The following CHCHD6 variants were observed in gnomAD, a reference collection of about 807,000 sequenced individuals.
The protein encoded by CHCHD6 is coiled-coil-helix-coiled-coil-helix domain containing 6.
Under a neutral mutation model 32.3 loss-of-function variants are expected in CHCHD6, and 28 were observed. The ratio of observed to expected loss-of-function variants is 0.87; its 90% CI spans 0.64 to 1.19. CHCHD6 has a LOEUF of 1.19. CHCHD6 is among the 50% of genes most tolerant of loss of function. CHCHD6 has a pLI of 0.00. For synonymous variants in CHCHD6, 122 were observed against 117.5 expected, an observed-to-expected ratio of 1.04 and a Z score of -0.25; for missense variants, 333 against 307.0, an observed-to-expected ratio of 1.08 and a Z score of -0.63.
chr3:126,748,149 A>G, intron 4 of CHCHD6, among the ~76,000 whole-genome samples: 1 of 152,040 alleles, frequency 6.6e-6, no homozygotes, highest in Admixed American at 6.5e-5. Context: ...TTCTCCTCAG[A>G]TATCCCTGTC....
intron 5 of CHCHD6, 42 bp from the exon 6 acceptor site, chr3:126,914,638 A>C (rs1178620847): frequency 9.1e-7 from 1 of 1,101,196 alleles, no homozygotes; most frequent in Admixed American, 1.7e-5. Context: ...AGCAGAGGGA[A>C]ATTTCAGTCT....
chr3:126,788,940 C>T (rs1276635948), intron 4 of CHCHD6, among the ~76,000 whole-genome samples: 2 of 152,156 alleles, frequency 1.3e-5, no homozygotes, highest in African/African-American at 4.8e-5. Context: ...ATCTTTCCTG[C>T]TTTCTCTTGT....
chr3:126,812,939 C>G (rs532144283), intron 4 of CHCHD6, among the ~76,000 whole-genome samples: 29 of 152,208 alleles, frequency 1.9e-4, no homozygotes, highest in African/African-American at 6.5e-4. Context: ...GTCTTGGAAC[C>G]TACCATGATT....
At chr3:126,793,049 A>G (rs942812454) in intron 4 of CHCHD6, among the ~76,000 whole-genome samples, 2 of 152,114 alleles carry the variant, frequency 1.3e-5, no homozygotes, top group African/African-American at 4.8e-5. Context: ...TGGTATTAAT[A>G]TGGCCCATCC....
At chr3:126,730,477 G>C (rs569663852) in intron 2 of CHCHD6, 84 bp from the exon 3 acceptor site, 3 of 1,090,020 alleles carry the variant, frequency 2.8e-6, no homozygotes, top group East Asian at 4.8e-5. Flanking sequence ...TCATTCATGG[G>C]GGTCATTCCT....
chr3:126,933,625 C>T (rs753374035), intron 6 of CHCHD6, among the ~76,000 whole-genome samples: 6 of 152,068 alleles, frequency 3.9e-5, no homozygotes, highest in Non-Finnish European at 8.8e-5. Context: ...TCTCATTATT[C>T]GCTCATTACC....
chr3:126,800,707 A>C (rs1469016374), intron 4 of CHCHD6, among the ~76,000 whole-genome samples: 1 of 152,226 alleles, frequency 6.6e-6, no homozygotes, highest in Non-Finnish European at 1.5e-5. Flanking sequence ...CACAGCAGGC[A>C]TCACAGAAAA....
chr3:126,954,538 T>C (rs2078757944), intron 6 of CHCHD6, among the ~76,000 whole-genome samples: 1 of 152,186 alleles, frequency 6.6e-6, no homozygotes, highest in South Asian at 2.1e-4. Context: ...GGTACCTCTT[T>C]TCACATAGAT....
chr3:126,951,930 A>G (rs1209437085), intron 6 of CHCHD6, among the ~76,000 whole-genome samples: 1 of 152,242 alleles, frequency 6.6e-6, no homozygotes, highest in African/African-American at 2.4e-5. Context: ...TGAGCAAGTT[A>G]CTGTATCACT....
chr3:126,744,389 T>G (rs73201764), intron 4 of CHCHD6, among the ~76,000 whole-genome samples: 1 of 152,348 alleles, frequency 6.6e-6, no homozygotes, highest in Non-Finnish European at 1.5e-5. Context: ...CGAAAAGGGT[T>G]ATTTGGCTGA....
At chr3:126,757,274 G>T (rs1936988979) in intron 4 of CHCHD6, among the ~76,000 whole-genome samples, 1 of 152,142 alleles carries the variant, frequency 6.6e-6, no homozygotes, top group Admixed American at 6.5e-5. Flanking sequence ...AAAATTCAAA[G>T]TCTGAAACAC....
chr3:126,883,789 C>T (rs1414662421), intron 5 of CHCHD6, among the ~76,000 whole-genome samples: 1 of 152,200 alleles, frequency 6.6e-6, no homozygotes, highest in African/African-American at 2.4e-5. Context: ...TAGTATCTGT[C>T]TCTGCATACT....
At chr3:126,897,767 C>T (rs1262257833) in intron 5 of CHCHD6, among the ~76,000 whole-genome samples, 1 of 152,228 alleles carries the variant, frequency 6.6e-6, no homozygotes, top group African/African-American at 2.4e-5. Flanking sequence ...TCCCCCTAGG[C>T]CCTTTGGCTC....
At chr3:126,802,123 G>A (rs1939109142) in intron 4 of CHCHD6, among the ~76,000 whole-genome samples, 1 of 151,960 alleles carries the variant, frequency 6.6e-6, no homozygotes, top group Non-Finnish European at 1.5e-5. Flanking sequence ...AAAAAACAGA[G>A]CAGAAAAACT....
At chr3:126,819,864 G>A (rs1472893757) in intron 4 of CHCHD6, among the ~76,000 whole-genome samples, 1 of 152,234 alleles carries the variant, frequency 6.6e-6, no homozygotes, top group East Asian at 1.9e-4. Context: ...TGCTCTGAAG[G>A]AGAATTCTCT....
At chr3:126,786,812 GA>G (rs1938236147) in intron 4 of CHCHD6, among the ~76,000 whole-genome samples, 4 of 152,132 alleles carry the variant, frequency 2.6e-5, no homozygotes, top group African/African-American at 9.7e-5. Flanking sequence ...TTGCTGTGCA[GA>G]AGCTCTTTAG....
chr3:126,804,950 C>G (rs1474485451), intron 4 of CHCHD6, among the ~76,000 whole-genome samples: 1 of 151,860 alleles, frequency 6.6e-6, no homozygotes, highest in Non-Finnish European at 1.5e-5. Flanking sequence ...AGACAAAAAC[C>G]ACATGATTAT....
chr3:126,949,371 C>T (rs1038063292), intron 6 of CHCHD6: 1 of 220,632 alleles, frequency 4.5e-6, no homozygotes, highest in African/African-American at 2.4e-5. Flanking sequence ...GCTGCACAGA[C>T]ACCTGCCATG....
chr3:126,802,712 A>G (rs1361458049), intron 4 of CHCHD6, among the ~76,000 whole-genome samples: 1 of 152,196 alleles, frequency 6.6e-6, no homozygotes, highest in Non-Finnish European at 1.5e-5. Flanking sequence ...AAATACAGAG[A>G]ACACCACAAA....
Sources: gnomAD v4.1 joint callset for allele counts (sites outside exome capture counted in the v4.1 genomes callset) on GRCh38, gnomAD v4.1.1 for gene constraint, MANE v1.5 for transcripts, NCBI Gene and HGNC (gene_info 2026-07-23, HGNC 2026-07-21) for gene names.